The following TOM1L1 variants were observed in gnomAD, a reference collection of about 807,000 sequenced individuals.
TOM1L1 encodes target of myb1 like 1 membrane trafficking protein.
TOM1L1 carries 64 observed loss-of-function variants against 63.4 expected under a neutral mutation model. The observed-to-expected ratio is 1.01, with a 90% CI of 0.83 to 1.24. The LOEUF is 1.24. Among genes scored for constraint, TOM1L1 ranks in the 50% most tolerant of loss-of-function variants. The probability of loss-of-function intolerance (pLI) is 0.00; values close to 1 mark genes in which losing one functional copy is unlikely to be tolerated. For missense variants in TOM1L1, 536 were observed against 567.0 expected (o/e 0.95, Z 0.55); for synonymous variants, 166 against 194.4 (o/e 0.85, Z 1.22).
At chr17:54,907,744 G>C (rs770209034) in intron 3 of TOM1L1, among the ~76,000 whole-genome samples, 1 of 152,158 alleles carries the variant, frequency 6.6e-6, no homozygotes, top group Non-Finnish European at 1.5e-5. Flanking sequence ...GGTGCCAAAG[G>C]TTAGGAGAAT....
intron 14 of TOM1L1, among the ~76,000 whole-genome samples, chr17:54,950,441 G>C (rs1404844983): frequency 3.9e-5 from 6 of 152,216 alleles, no homozygotes. Context: ...ACTAGTCACT[G>C]ATTGGTGACA....
chr17:54,908,000 A>G (rs972266144), intron 3 of TOM1L1, among the ~76,000 whole-genome samples: 4 of 152,098 alleles, frequency 2.6e-5, no homozygotes, highest in African/African-American at 9.7e-5. Context: ...GGGCTATTCC[A>G]GAGTGTTGTG....
chr17:54,934,000 C>T (rs560571220), intron 8 of TOM1L1, among the ~76,000 whole-genome samples: 12 of 152,276 alleles, frequency 7.9e-5, no homozygotes, highest in African/African-American at 2.9e-4. Flanking sequence ...CAGCCTTTCA[C>T]GGAATACACA....
At chr17:54,936,452 T>C in intron 8 of TOM1L1, 197 bp from the exon 9 acceptor site, 1 of 457,076 alleles carries the variant, frequency 2.2e-6, no homozygotes, top group Admixed American at 4.2e-5. Context: ...TACTTTTCTA[T>C]TTTCTCACAG....
intron 7 of TOM1L1, among the ~76,000 whole-genome samples, chr17:54,925,523 G>A (rs373148423): frequency 6.6e-6 from 1 of 152,198 alleles, no homozygotes; most frequent in South Asian, 2.1e-4. Context: ...CCAGCAGAAA[G>A]GAAGAGCCTC....
chr17:54,949,203 A>ATTTTTTT lies in TOM1L1; in HGVS notation c.1183-305_1183-299dup, dbSNP rs58407367. Among the ~76,000 whole-genome samples the ATTTTTTT allele has an allele frequency of 5.1e-4, 62 of 122,270 alleles. 6 individuals carry two copies. Among genetic ancestry groups the ATTTTTTT allele is most frequent in the African/African-American group, 7.3e-4 (23 of 31,470 alleles). 80.2% of individuals were successfully genotyped at this position (122,270 alleles called of 152,430 possible). A position where few individuals can be genotyped will look rare whatever the true frequency, so the allele number is the denominator to read the frequency against. On this transcript the variant is annotated intron_variant, in intron 12 of 15. Transcript: ENST00000575882. ...CAGGTGTGAGCCACCATGCCCAGCT[A>ATTTTTTT]TTTTTTTTTTTTTTTTGTAGAGTTG...
At chr17:54,958,523 G>A (rs1300412455) in intron 14 of TOM1L1, 2 of 152,278 alleles carry the variant, frequency 1.3e-5, no homozygotes, top group African/African-American at 4.8e-5. Flanking sequence ...CTGAAGTCAG[G>A]AGTTTGAGAC....
rs759278870 is a variant in TOM1L1, at chr17:54,950,079, C to T, written c.1323C>T (p.Tyr441=). ...AAAGTGATCTCCAGCCACCTAATTA[C>T]TACGAGGTAATGGAGTTTGATCCCT... ...MTKSDLQPPN[Y]YEVMEFDPLA... The change falls in exon 14 of 16, where the codon TAC becomes TAT. Residue 441 remains tyrosine (Y), a synonymous_variant. Transcript: ENST00000575882. 1.9e-6 allele frequency: 3 copies of T among 1,614,002 alleles called. No individual in the cohort carries two copies.
chr17:54,958,999 T>G (rs2077036690), intron 14 of TOM1L1, among the ~76,000 whole-genome samples: 1 of 152,012 alleles, frequency 6.6e-6, no homozygotes, highest in Non-Finnish European at 1.5e-5. Context: ...AAGATAAACT[T>G]GAAGATTTAG....
In TOM1L1 at chr17:54,905,048, C is replaced by T. The variant is rs933814568; in HGVS notation, c.144-441C>T. Among the ~76,000 whole-genome samples the T allele has an allele frequency of 3.9e-5, 6 of 152,068 alleles. No individual in the cohort carries two copies. In the East Asian group the frequency reaches 5.8e-4, roughly 15 times the overall value. On this transcript the variant is annotated intron_variant, in intron 2 of 15. Coordinates refer to ENST00000575882, the MANE Select transcript of TOM1L1 (RefSeq NM_005486.3). The stretch of plus-strand genomic sequence containing the variant: ...CTTTCTTTGTAACATAAAATTGTGG[C>T]GTATTGGCAGCTGACCTAGTTTGTT...
At chr17:54,907,057 G>A (rs1006200570) in intron 3 of TOM1L1, among the ~76,000 whole-genome samples, 1 of 152,088 alleles carries the variant, frequency 6.6e-6, no homozygotes, top group Non-Finnish European at 1.5e-5. Context: ...CGCTGAATAA[G>A]CAGAAATGCT....
intron 15 of TOM1L1, 39 bp downstream of exon 15, chr17:54,960,666 A>G: frequency 7.0e-7 from 1 of 1,436,950 alleles, no homozygotes; most frequent in South Asian, 1.1e-5. Context: ...TCCATATTCC[A>G]TATAATTTCA....
intron 7 of TOM1L1, chr17:54,917,309 C>T (rs1445276212): frequency 6.6e-6 from 1 of 152,060 alleles, no homozygotes; most frequent in African/African-American, 2.4e-5. Context: ...TCATTTGTCT[C>T]TTAACATTTC....
chr17:54,955,754 T>G (rs565048547), intron 14 of TOM1L1, among the ~76,000 whole-genome samples: 1 of 152,342 alleles, frequency 6.6e-6, no homozygotes, highest in Non-Finnish European at 1.5e-5. Context: ...ACCTAGGTCC[T>G]AATCCTGACA....
intron 11 of TOM1L1, chr17:54,942,626 A>G (rs1010215795): frequency 6.6e-6 from 1 of 152,224 alleles, no homozygotes; most frequent in Non-Finnish European, 1.5e-5. Flanking sequence ...TTCTGATTTC[A>G]GTAACTTCTC....
chr17:54,940,085 G>A (rs1447680678), intron 11 of TOM1L1, among the ~76,000 whole-genome samples: 1 of 152,128 alleles, frequency 6.6e-6, no homozygotes, highest in Non-Finnish European at 1.5e-5. Flanking sequence ...TAGTAGAGGT[G>A]AGGTTTTGCC....
intron 7 of TOM1L1, among the ~76,000 whole-genome samples, chr17:54,924,485 G>T (rs1017211410): frequency 2.0e-5 from 3 of 151,880 alleles, no homozygotes; most frequent in African/African-American, 7.3e-5. Flanking sequence ...TCACTATGTT[G>T]TCCAGGCTGA....
intron 11 of TOM1L1, among the ~76,000 whole-genome samples, chr17:54,942,976 T>C (rs534108812): frequency 2.0e-5 from 3 of 152,324 alleles, no homozygotes; most frequent in Non-Finnish European, 2.9e-5. Context: ...GGTATTTGCT[T>C]TATGTGTTTT....
chr17:54,944,449 C>CAAA (rs34562804), intron 11 of TOM1L1, among the ~76,000 whole-genome samples: 187 of 142,866 alleles, frequency 1.3e-3, no homozygotes, highest in South Asian at 3.1e-3. Context: ...GACTCTATCT[C>CAAA]AAAAAAAAAA....
Sources: gnomAD v4.1 joint callset for allele counts (sites outside exome capture counted in the v4.1 genomes callset) on GRCh38, gnomAD v4.1.1 for gene constraint, MANE v1.5 for transcripts, NCBI Gene and HGNC (gene_info 2026-07-23, HGNC 2026-07-21) for gene names.